LIPC: variants seen among roughly 807,000 people sequenced by gnomAD.
LIPC encodes hepatic triacylglycerol lipase.
LIPC carries 44 observed loss-of-function variants against 50.7 expected under a neutral mutation model. That is an observed-to-expected ratio of 0.87 (90% CI 0.68 to 1.11). LIPC has a LOEUF of 1.11. Among genes scored for constraint, LIPC ranks in the 50% most tolerant of loss-of-function variants. The probability of loss-of-function intolerance (pLI) is 0.00; values close to 1 mark genes in which losing one functional copy is unlikely to be tolerated. For missense variants in LIPC, 697 were observed against 648.2 expected (o/e 1.08, Z -0.82); for synonymous variants, 271 against 256.4 (o/e 1.06, Z -0.54).
At chr15:58,543,192 G>A (rs1260810149) in intron 4 of LIPC, among the ~76,000 whole-genome samples, 4 of 152,142 alleles carry the variant, frequency 2.6e-5, no homozygotes, top group Non-Finnish European at 5.9e-5. Flanking sequence ...CATGTGCGAG[G>A]AAGGCCTTCC....
intron 1 of LIPC, among the ~76,000 whole-genome samples, chr15:58,471,433 C>T (rs1291922712): frequency 6.6e-6 from 1 of 151,796 alleles, no homozygotes; most frequent in Non-Finnish European, 1.5e-5. Flanking sequence ...CAGGTGTGAG[C>T]CATCACACCC....
At chr15:58,562,123 AT>A (rs758433145) in intron 7 of LIPC, among the ~76,000 whole-genome samples, 9 of 152,188 alleles carry the variant, frequency 5.9e-5, no homozygotes, top group Non-Finnish European at 1.3e-4. Context: ...ATAAATAAAT[AT>A]TTGGTGCTTC....
intron 1 of LIPC, among the ~76,000 whole-genome samples, chr15:58,493,541 A>G (rs1458587371): frequency 6.6e-5 from 2 of 30,202 alleles, no homozygotes; most frequent in African/African-American, 1.8e-4. Flanking sequence ...TTTTGTATAT[A>G]TACAAAATTT....
At chr15:58,512,872 G>A (rs1322901979) in intron 1 of LIPC, among the ~76,000 whole-genome samples, 1 of 151,750 alleles carries the variant, frequency 6.6e-6, no homozygotes, top group East Asian at 1.9e-4. Flanking sequence ...CTATGACAAC[G>A]AGGGTCGTTC....
At chr15:58,515,096 T>C (rs559391657) in intron 1 of LIPC, among the ~76,000 whole-genome samples, 2 of 152,270 alleles carry the variant, frequency 1.3e-5, no homozygotes, top group South Asian at 4.1e-4. Context: ...CATCTTCCAG[T>C]TTCTCTCTCT....
rs776118661 is a variant in LIPC at position 58,541,892 on chromosome 15, C to T, written c.381C>T (p.His127=). The change falls in exon 3 of 9, where the codon CAC becomes CAT. Residue 127 remains histidine (H), a synonymous_variant. Transcript: ENST00000299022. ...TGGTGGACTGGATCACCCTGGCCCA[C>T]GACCACTACACCATCGCCGTCCGCA... The part of the protein sequence containing the change: ...VGLVDWITLA[H]DHYTIAVRNT... The T allele has an allele frequency of 1.4e-5, 23 of 1,612,034 alleles. No individual in the cohort carries two copies. In the Middle Eastern group the frequency reaches 8.2e-4, roughly 58 times the overall value.
intron 1 of LIPC, among the ~76,000 whole-genome samples, chr15:58,518,897 C>T (rs1280196076): frequency 6.6e-6 from 1 of 151,102 alleles, no homozygotes; most frequent in Non-Finnish European, 1.5e-5. Flanking sequence ...ACATAATAGA[C>T]ACTCACAACA....
At chr15:58,561,003 C>T (rs773849165) in intron 7 of LIPC, 22 bp downstream of exon 7, 1 of 986,118 alleles carries the variant, frequency 1.0e-6, no homozygotes, top group Non-Finnish European at 1.5e-6. Context: ...GTGTAGCCCC[C>T]TAGGGTGATG....
At chr15:58,545,142 T>C (rs774724469) in intron 4 of LIPC, among the ~76,000 whole-genome samples, 20 of 152,204 alleles carry the variant, frequency 1.3e-4, no homozygotes, top group Non-Finnish European at 2.2e-4. Context: ...GCATATTGGC[T>C]TTTTTTGTAT....
intron 1 of LIPC, among the ~76,000 whole-genome samples, chr15:58,507,571 G>A (rs1892192321): frequency 6.6e-6 from 1 of 152,158 alleles, no homozygotes; most frequent in Non-Finnish European, 1.5e-5. Flanking sequence ...TCACTAAAGT[G>A]GTCCCTCTTA....
intron 1 of LIPC, among the ~76,000 whole-genome samples, chr15:58,505,229 G>A (rs1306721612): frequency 6.6e-6 from 1 of 152,252 alleles, no homozygotes. Context: ...GCTGGCAGGA[G>A]CAGACGGAGG....
chr15:58,565,075 G>A (rs1894314082), intron 8 of LIPC: 2 of 911,306 alleles, frequency 2.2e-6, no homozygotes, highest in African/African-American at 3.2e-5. Context: ...TGTGGCAGAT[G>A]TATGCCCCTG....
chr15:58,500,493 C>G (rs1359660985), intron 1 of LIPC, among the ~76,000 whole-genome samples: 1 of 152,194 alleles, frequency 6.6e-6, no homozygotes, highest in Non-Finnish European at 1.5e-5. Flanking sequence ...ATGAGGCTGT[C>G]ACCTTCCTTT....
chr15:58,469,119 T>TGTGGGG (rs199647365), intron 1 of LIPC, among the ~76,000 whole-genome samples: 2 of 150,592 alleles, frequency 1.3e-5, no homozygotes, highest in Non-Finnish European at 3.0e-5. Flanking sequence ...TGTGTGTGTG[T>TGTGGGG]GTGTGTGTGT....
intron 1 of LIPC, among the ~76,000 whole-genome samples, chr15:58,519,072 T>TAC (rs1892571507): frequency 6.6e-6 from 1 of 152,086 alleles, no homozygotes; most frequent in Non-Finnish European, 1.5e-5. Flanking sequence ...ACACAGGGTA[T>TAC]ACAGGAAGTG....
At position 58,560,846 on chromosome 15, in the gene LIPC, C is replaced by T. The variant is rs1196989563; in HGVS notation, c.1052-18C>T. The T allele has an allele frequency of 2.2e-6, 2 of 911,266 alleles. No homozygotes were observed. Among genetic ancestry groups the T allele is most frequent in the Non-Finnish European group, 3.7e-6 (2 of 537,382 alleles). The allele number at this position is 911,266 out of a possible 1,614,324, so 56.4% of individuals were successfully genotyped here. A position where few individuals can be genotyped will look rare whatever the true frequency, so the allele number is the denominator to read the frequency against. On this transcript the variant is annotated intron_variant, in intron 6 of 8. Coordinates refer to ENST00000299022, the MANE Select transcript of LIPC (RefSeq NM_000236.3). Reference sequence around the variant, plus strand: ...GCTTAAATTATCTCTCTCTTTCTCTCTCTGTCTCTCTCTCTAGTTTATCAT... The same window carrying T: ...GCTTAAATTATCTCTCTCTTTCTCTTTCTGTCTCTCTCTCTAGTTTATCAT...
In LIPC at chr15:58,545,755, G is replaced by C. The variant is rs34351746; in HGVS notation, c.588G>C (p.Ala196=). The C allele has an allele frequency of 6.2e-7, 1 of 1,614,136 alleles. No individual in the cohort carries two copies. The highest frequency in any genetic ancestry group is 8.5e-7 in the Non-Finnish European group (1 of 1,180,018). The change falls in exon 5 of 9, where the codon GCG becomes GCC. Residue 196 remains alanine (A), a synonymous_variant. Coordinates refer to ENST00000299022, the MANE Select transcript of LIPC (RefSeq NM_000236.3). ...CTTTCCCATTAGGGCTGGATGCCGC[G>C]GGACCTTTGTTTGAGGGAAGTGCCC... ...KIGRITGLDA[A]GPLFEGSAPS...
At chr15:58,547,184 T>C (rs568043873) in intron 5 of LIPC, among the ~76,000 whole-genome samples, 1 of 152,320 alleles carries the variant, frequency 6.6e-6, no homozygotes, top group East Asian at 1.9e-4. Context: ...GGCTGGTTTT[T>C]CTCAGTCGTC....
chr15:58,439,224 A>G (rs1893420584), intron 1 of LIPC, among the ~76,000 whole-genome samples: 1 of 152,230 alleles, frequency 6.6e-6, no homozygotes, highest in African/African-American at 2.4e-5. Flanking sequence ...TGCTGGAAGA[A>G]GATGCATGAA....
Sources: allele counts gnomAD v4.1 joint callset (sites outside exome capture counted in the v4.1 genomes callset), GRCh38; gene constraint gnomAD v4.1.1; transcripts MANE v1.5; gene names NCBI Gene and HGNC (gene_info 2026-07-23, HGNC 2026-07-21).